Variants in CNTN4 observed in about 807,000 individuals in gnomAD.
CNTN4 encodes the protein contactin-4.
CNTN4 carries 77 observed loss-of-function variants against 122.5 expected under a neutral mutation model. The ratio of observed to expected loss-of-function variants is 0.63; its 90% CI spans 0.52 to 0.76. The LOEUF (loss-of-function observed/expected upper bound fraction) is 0.76. CNTN4 is among the 30% of genes least tolerant of loss of function. CNTN4 has a pLI of 0.00. For synonymous variants in CNTN4, 512 were observed against 447.0 expected, an observed-to-expected ratio of 1.15 and a Z score of -1.83; for missense variants, 1,256 against 1,259.1, an observed-to-expected ratio of 1.00 and a Z score of 0.04.
At chr3:2,141,387 A>G (rs917459133) in intron 2 of CNTN4, among the ~76,000 whole-genome samples, 1 of 152,188 alleles carries the variant, frequency 6.6e-6, no homozygotes, top group Non-Finnish European at 1.5e-5. Flanking sequence ...AAAGAGGACC[A>G]TAAGCCAAGG....
intron 12 of CNTN4, among the ~76,000 whole-genome samples, chr3:2,914,838 G>T (rs1381422329): frequency 1.6e-5 from 2 of 123,404 alleles, no homozygotes; most frequent in Admixed American, 1.7e-4. Flanking sequence ...GAAAACTACA[G>T]ACCATAACCC....
chr3:2,681,476 C>T (rs2085161914), intron 4 of CNTN4, among the ~76,000 whole-genome samples: 1 of 152,088 alleles, frequency 6.6e-6, no homozygotes. Flanking sequence ...TTAAGAGACC[C>T]CAGAACTTAT....
intron 12 of CNTN4, among the ~76,000 whole-genome samples, chr3:2,911,402 A>G (rs925653919): frequency 6.6e-6 from 1 of 152,218 alleles, no homozygotes; most frequent in Non-Finnish European, 1.5e-5. Context: ...AAGATGCATC[A>G]TCAGAAAAGG....
chr3:2,408,815 T>G (rs2047126876), intron 3 of CNTN4, among the ~76,000 whole-genome samples: 1 of 152,154 alleles, frequency 6.6e-6, no homozygotes, highest in Non-Finnish European at 1.5e-5. Flanking sequence ...AAGAAGGGAT[T>G]CCAGATGCTA....
intron 6 of CNTN4, among the ~76,000 whole-genome samples, chr3:2,757,025 C>A (rs116603984): frequency 0.011 from 1,665 of 152,142 alleles, 12 homozygotes; most frequent in South Asian, 0.041. Flanking sequence ...TTAAAAAAAT[C>A]TTTGAATGAG....
intron 4 of CNTN4, among the ~76,000 whole-genome samples, chr3:2,675,655 T>C (rs1262284281): frequency 6.6e-6 from 1 of 152,164 alleles, no homozygotes; most frequent in African/African-American, 2.4e-5. Flanking sequence ...GCTTAGTAAG[T>C]ACACATTGAA....
chr3:2,813,911 G>T lies in CNTN4; in HGVS notation c.359-5575G>T, dbSNP rs554780137. The stretch of plus-strand genomic sequence containing the variant: ...GACTTTTTATTATTGATAGCATATT[G>T]CAGCTTTAAGGCTTTTGTACACGTC... On this transcript the variant is annotated intron_variant, in intron 6 of 24. Transcript: ENST00000418658. 1.1e-4 allele frequency among the ~76,000 whole-genome samples: 16 copies of T among 152,200 alleles called. No individual in the cohort carries two copies. The South Asian group carries it at 1.9e-3, about 18-fold the overall frequency.
intron 2 of CNTN4, among the ~76,000 whole-genome samples, chr3:2,173,658 C>G (rs146855439): frequency 6.1e-4 from 93 of 151,938 alleles, no homozygotes; most frequent in African/African-American, 2.0e-3. Context: ...TTCGGATGTT[C>G]GAAGGTCAAC....
At chr3:2,234,179 G>T (rs1575137865) in intron 2 of CNTN4, among the ~76,000 whole-genome samples, 1 of 152,062 alleles carries the variant, frequency 6.6e-6, no homozygotes, top group African/African-American at 2.4e-5. Context: ...AGGAGTTCGA[G>T]AGTAGCCTGA....
chr3:2,279,360 A>G (rs2041632853), intron 2 of CNTN4, among the ~76,000 whole-genome samples: 1 of 152,194 alleles, frequency 6.6e-6, no homozygotes. Flanking sequence ...ATATAATGCA[A>G]GATATAATGA....
At chr3:2,653,798 A>C (rs1000647339) in intron 4 of CNTN4, among the ~76,000 whole-genome samples, 1 of 152,170 alleles carries the variant, frequency 6.6e-6, no homozygotes. Flanking sequence ...ACACTAAATG[A>C]ATGAATTTCT....
chr3:2,268,387 T>C (rs1389907274), intron 2 of CNTN4, among the ~76,000 whole-genome samples: 1 of 152,094 alleles, frequency 6.6e-6, no homozygotes, highest in Non-Finnish European at 1.5e-5. Flanking sequence ...TCAGGAATTA[T>C]AACGAGAGCC....
At chr3:2,715,240 A>G (rs997417833) in intron 4 of CNTN4, among the ~76,000 whole-genome samples, 9 of 152,240 alleles carry the variant, frequency 5.9e-5, no homozygotes, top group African/African-American at 2.2e-4. Flanking sequence ...ACAACATAAT[A>G]AAAGGAAAAT....
Position 2,259,839 on chromosome 3 carries a change from C to G in CNTN4, c.-144-79339C>G, listed in dbSNP as rs570251335. ...GTGAGTGAGCATCAGACCTGGGGTT[C>G]ACATCCTCGTATCTTTGCATTCTTT... On this transcript the variant is annotated intron_variant, in intron 2 of 24. Transcript: ENST00000418658. Among the ~76,000 whole-genome samples the G allele has an allele frequency of 3.3e-5, 5 of 152,274 alleles. No homozygotes were observed. In the South Asian group the frequency reaches 1.0e-3, roughly 32 times the overall value.
intron 14 of CNTN4, among the ~76,000 whole-genome samples, chr3:3,014,546 A>G (rs1183530637): frequency 6.6e-6 from 1 of 152,052 alleles, no homozygotes; most frequent in Admixed American, 6.6e-5. Flanking sequence ...TTCACTTTCT[A>G]AAAATTCTTT....
At chr3:2,702,003 A>G (rs2086384672) in intron 4 of CNTN4, among the ~76,000 whole-genome samples, 1 of 152,180 alleles carries the variant, frequency 6.6e-6, no homozygotes, top group Non-Finnish European at 1.5e-5. Flanking sequence ...GAAAGAAGCC[A>G]GGGTAGAGTG....
intron 6 of CNTN4, among the ~76,000 whole-genome samples, chr3:2,806,755 C>A (rs1370636369): frequency 6.6e-6 from 1 of 152,126 alleles, no homozygotes; most frequent in African/African-American, 2.4e-5. Flanking sequence ...CAAACTAAAT[C>A]AGGACTGCTG....
intron 13 of CNTN4, among the ~76,000 whole-genome samples, chr3:2,961,090 C>T (rs113582334): frequency 0.26 from 30,446 of 114,968 alleles, 4,397 homozygotes; most frequent in East Asian, 0.51. Context: ...ATTAGCCGGG[C>T]GTGGTGATGG....
intron 3 of CNTN4, among the ~76,000 whole-genome samples, chr3:2,358,123 A>G (rs1009266277): frequency 1.5e-4 from 23 of 152,140 alleles, no homozygotes; most frequent in Non-Finnish European, 2.9e-4. Context: ...ATTTCTAACA[A>G]TTTCTTCTAG....
Sources: allele counts gnomAD v4.1 joint callset (sites outside exome capture counted in the v4.1 genomes callset), GRCh38; gene constraint gnomAD v4.1.1; transcripts MANE v1.5; gene names NCBI Gene and HGNC (gene_info 2026-07-23, HGNC 2026-07-21).